The following LRRFIP1 variants were observed in gnomAD, a reference collection of about 807,000 sequenced individuals.
LRRFIP1 encodes the protein leucine-rich repeat flightless-interacting protein 1.
A neutral mutation model predicts 104.4 loss-of-function variants in LRRFIP1; 62 were observed. The observed-to-expected ratio is 0.59, with a 90% CI of 0.48 to 0.73. The LOEUF is 0.73. LRRFIP1 is among the 30% of genes least tolerant of loss of function. LRRFIP1 has a pLI of 0.00. For synonymous variants in LRRFIP1, 300 were observed against 299.0 expected (o/e 1.00, Z -0.03); for missense variants, 796 against 824.5 (o/e 0.97, Z 0.42).
At chr2:237,737,091 GA>G (rs2150402363) in intron 10 of LRRFIP1, among the ~76,000 whole-genome samples, 1 of 152,330 alleles carries the variant, frequency 6.6e-6, no homozygotes, top group South Asian at 2.1e-4. Context: ...TCCTGCTGTG[GA>G]GGATTTGCCC....
intron 1 of LRRFIP1, among the ~76,000 whole-genome samples, chr2:237,692,686 G>C (rs1168617000): frequency 6.6e-6 from 1 of 152,036 alleles, no homozygotes; most frequent in African/African-American, 2.4e-5. Context: ...GCGCGGGTCC[G>C]TGAGTGGCCC....
intron 1 of LRRFIP1, among the ~76,000 whole-genome samples, chr2:237,699,399 C>G (rs368665414): frequency 1.3e-5 from 2 of 148,588 alleles, no homozygotes; most frequent in African/African-American, 5.0e-5. Flanking sequence ...GTCGCCCAGG[C>G]TGGAGTGCAA....
At chr2:237,756,441 A>G (rs2059275456) in intron 16 of LRRFIP1, among the ~76,000 whole-genome samples, 1 of 152,184 alleles carries the variant, frequency 6.6e-6, no homozygotes, top group African/African-American at 2.4e-5. Flanking sequence ...AGAAAAAGCA[A>G]TGTCTCTGAT....
chr2:237,641,566 T>C lies in LRRFIP1; in HGVS notation c.96+13826T>C, dbSNP rs770063576. ...AGTCAATCTTTTCTCCTTGGATTTC[T>C]GTTTTTGTGATTGGTGTTAAAATTT... On this transcript the variant is annotated intron_variant, in intron 1 of 23. Coordinates refer to ENST00000308482, the MANE Select transcript of LRRFIP1 (RefSeq NM_001137550.2). Among the ~76,000 whole-genome samples, 287 of 152,204 alleles carry C rather than the reference T, an allele frequency of 1.9e-3. 2 individuals are homozygous for C. The highest frequency in any genetic ancestry group is 6.5e-4 in the Non-Finnish European group (44 of 68,004).
rs1461453976 is a variant in LRRFIP1, at chr2:237,703,281, T to C, written c.97-5263T>C. On this transcript the variant is annotated intron_variant, in intron 1 of 23. Coordinates refer to ENST00000308482, the MANE Select transcript of LRRFIP1 (RefSeq NM_001137550.2). The surrounding 1 kb of genome is among the most constrained non-coding windows in gnomAD (Gnocchi z 4.3). ...ACTCCACAGGCCCGAACCCTGGCAC[T>C]GAGCTTGATCCGCTGCAGCCCAGCC... 6.6e-6 allele frequency among the ~76,000 whole-genome samples: 1 copy of C among 152,148 alleles called. No individual in the cohort carries two copies. Among genetic ancestry groups the C allele is most frequent in the East Asian group, 1.9e-4 (1 of 5,198 alleles).
rs111811686 is a variant in LRRFIP1 at position 237,649,267 on chromosome 2, C to T, written c.96+21527C>T. Among the ~76,000 whole-genome samples, 15,214 of 151,834 alleles carry T rather than the reference C, an allele frequency of 0.1. 951 individuals are homozygous for T. Among genetic ancestry groups the T allele is most frequent in the African/African-American group, 0.12 (5,169 of 41,494 alleles). On this transcript the variant is annotated intron_variant, in intron 1 of 23. Coordinates refer to ENST00000308482, the MANE Select transcript of LRRFIP1 (RefSeq NM_001137550.2). This position sits in a 1 kb window ranked among gnomAD's most constrained non-coding sequence, Gnocchi z 4.1. The stretch of plus-strand genomic sequence containing the variant: ...ACTGTAGGCCGGGCGCGATGGCTCA[C>T]ACCTGTAATCCCAGCACTTTGGGAG...
In LRRFIP1 at chr2:237,773,644, C is replaced by T. The variant is rs192951712; in HGVS notation, c.1707+699C>T. 5.2e-3 allele frequency among the ~76,000 whole-genome samples: 789 copies of T among 152,318 alleles called. 7 individuals carry two copies. The highest frequency in any genetic ancestry group is 7.4e-3 in the Non-Finnish European group (504 of 68,028). On this transcript the variant is annotated intron_variant, in intron 22 of 23. Transcript: ENST00000308482. The stretch of plus-strand genomic sequence containing the variant: ...TTAGCCTTTCTCTTGCAGCGAGGCC[C>T]GCCCTCCCTGGTGTCTAGACATGGG...
intron 7 of LRRFIP1, among the ~76,000 whole-genome samples, chr2:237,724,273 A>G (rs2094651584): frequency 1.3e-5 from 2 of 152,260 alleles, no homozygotes; most frequent in African/African-American, 4.8e-5. Flanking sequence ...AAGTTATTGT[A>G]GCATATTATG....
At chr2:237,629,719 G>A (rs920069793) in intron 1 of LRRFIP1, among the ~76,000 whole-genome samples, 3 of 152,208 alleles carry the variant, frequency 2.0e-5, no homozygotes, top group South Asian at 4.2e-4. Context: ...TGATCTTCCC[G>A]CCTTGGCCTC....
Position 237,749,262 on chromosome 2 carries a change from C to T in LRRFIP1, c.733C>T (p.Arg245Trp), listed in dbSNP as rs1427670910. The change falls in exon 13 of 24, where the codon CGG (arginine) becomes TGG (tryptophan). Residue 245 changes from arginine to tryptophan, a missense_variant. Transcript: ENST00000308482. The part of the protein sequence containing the change: ...TLASLGGTSS[R>W]RGSGDTSISI... ...GGCCTCTCTGGGTGGGACTTCCTCT[C>T]GGAGAGGCAGCGGAGACACCTCCAT... is the stretch of plus-strand genomic sequence containing the variant. 1.9e-6 allele frequency: 3 copies of T among 1,613,824 alleles called. No homozygotes were observed. The highest frequency in any genetic ancestry group is 1.3e-5 in the African/African-American group (1 of 74,888).
At chr2:237,658,373 C>A (rs891719726) in intron 1 of LRRFIP1, among the ~76,000 whole-genome samples, 1 of 152,208 alleles carries the variant, frequency 6.6e-6, no homozygotes, top group African/African-American at 2.4e-5. Flanking sequence ...AGTTTATCTA[C>A]ATAATGCAGG....
chr2:237,753,278 C>G (rs1030361065), intron 14 of LRRFIP1, 31 bp from the exon 15 acceptor site: 2 of 1,522,608 alleles, frequency 1.3e-6, no homozygotes, highest in Non-Finnish European at 1.8e-6. Flanking sequence ...TTTTTTATTG[C>G]AATTTCAAAA....
intron 3 of LRRFIP1, among the ~76,000 whole-genome samples, chr2:237,716,171 G>A (rs977104481): frequency 2.0e-5 from 3 of 152,186 alleles, no homozygotes; most frequent in African/African-American, 7.2e-5. Flanking sequence ...AAAAAATAAG[G>A]GAGGAGTGAT....
chr2:237,699,458 T>C (rs1484986797), intron 1 of LRRFIP1, among the ~76,000 whole-genome samples: 1 of 151,990 alleles, frequency 6.6e-6, no homozygotes, highest in African/African-American at 2.4e-5. Flanking sequence ...GTTCAAGTGA[T>C]TCTCCTGCCT....
chr2:237,779,575 T>C lies in LRRFIP1; in HGVS notation c.*43T>C, dbSNP rs2061370588. ...GCAACTGGTTGGTGACTGGAGAGCA[T>C]TGTTTCATAGGCTTTTCTCTGTCCT... On this transcript the variant is annotated 3_prime_UTR_variant, in exon 24 of 24. Coordinates refer to ENST00000308482, the MANE Select transcript of LRRFIP1 (RefSeq NM_001137550.2). 4 of 1,509,408 alleles carry C rather than the reference T, an allele frequency of 2.7e-6. No individual in the cohort carries two copies. The highest frequency in any genetic ancestry group is 2.3e-5 in the East Asian group (1 of 44,006). The allele number at this position is 1,509,408 out of a possible 1,614,324, so 93.5% of individuals were successfully genotyped here. A position where few individuals can be genotyped will look rare whatever the true frequency, so the allele number is the denominator to read the frequency against.
Position 237,781,333 on chromosome 2 carries a change from A to G in LRRFIP1, c.*1801A>G, listed in dbSNP as rs756661077. On this transcript the variant is annotated 3_prime_UTR_variant, in exon 24 of 24. Coordinates refer to ENST00000308482, the MANE Select transcript of LRRFIP1 (RefSeq NM_001137550.2). ...CTCATTTCATTTGCACGGAAATTCT[A>G]TGAGGTAGATGCTGTTATCAAATCC... Among the ~76,000 whole-genome samples, 34 of 152,190 alleles carry G rather than the reference A, an allele frequency of 2.2e-4. No individual in the cohort carries two copies. Among genetic ancestry groups the G allele is most frequent in the Non-Finnish European group, 3.8e-4 (26 of 68,026 alleles).
chr2:237,645,737 T>C (rs549346829), intron 1 of LRRFIP1, among the ~76,000 whole-genome samples: 3 of 152,116 alleles, frequency 2.0e-5, no homozygotes, highest in South Asian at 4.1e-4. Flanking sequence ...AGTTATTCCC[T>C]TTTAGAAATT....
In LRRFIP1 at chr2:237,646,389, T is replaced by C. The variant is rs557774689; in HGVS notation, c.96+18649T>C. On this transcript the variant is annotated intron_variant, in intron 1 of 23. Coordinates refer to ENST00000308482, the MANE Select transcript of LRRFIP1 (RefSeq NM_001137550.2). ...ATTAAGCCCAGCATCCATTAGCTAT[T>C]CTTCCTGATGCTCTCCCTCCCCACC... 2.1e-4 allele frequency among the ~76,000 whole-genome samples: 32 copies of C among 152,016 alleles called. No homozygotes were observed. The East Asian group carries it at 3.5e-3, about 17-fold the overall frequency.
intron 23 of LRRFIP1, among the ~76,000 whole-genome samples, chr2:237,775,906 C>A (rs907635272): frequency 6.6e-6 from 1 of 151,982 alleles, no homozygotes; most frequent in Non-Finnish European, 1.5e-5. Flanking sequence ...GGAGGAGAAA[C>A]CAAAGATGCC....
Sources: gnomAD v4.1 joint callset for allele counts (sites outside exome capture counted in the v4.1 genomes callset) on GRCh38, gnomAD v4.1.1 for gene constraint, Gnocchi (gnomAD v3.1) non-coding constraint, MANE v1.5 for transcripts, NCBI Gene and HGNC (gene_info 2026-07-23, HGNC 2026-07-21) for gene names.